The following WASF3 variants were observed in gnomAD, a reference collection of about 807,000 sequenced individuals.
WASF3 encodes the protein actin-binding protein WASF3.
Under a neutral mutation model 46.6 loss-of-function variants are expected in WASF3, and 11 were observed. That is an observed-to-expected ratio of 0.24 (90% CI 0.15 to 0.39). The LOEUF (loss-of-function observed/expected upper bound fraction) is 0.39. WASF3 is among the 10% of genes least tolerant of loss of function. The pLI, the probability that WASF3 is intolerant of heterozygous loss-of-function variation, is 1.00. For synonymous variants in WASF3, 242 were observed against 259.7 expected, an observed-to-expected ratio of 0.93 and a Z score of 0.65; for missense variants, 576 against 669.8, an observed-to-expected ratio of 0.86 and a Z score of 1.55.
chr13:26,656,167 C>T (rs1008909277), intron 3 of WASF3, among the ~76,000 whole-genome samples: 12 of 152,178 alleles, frequency 7.9e-5, no homozygotes, highest in African/African-American at 2.4e-4. Context: ...AATCCACGTA[C>T]AGTTTTTATG....
At chr13:26,646,066 T>G (rs889553510) in intron 3 of WASF3, among the ~76,000 whole-genome samples, 2 of 152,230 alleles carry the variant, frequency 1.3e-5, no homozygotes, top group Non-Finnish European at 2.9e-5. Flanking sequence ...TTAAAAATAA[T>G]TGATAAGTCA....
At chr13:26,544,950 T>G in the WASF3 span, among the ~76,000 whole-genome samples, 1 of 152,228 alleles carries the variant, frequency 6.6e-6, no homozygotes, top group African/African-American at 2.4e-5. Flanking sequence ...GCAGCATATC[T>G]TCTACTGACA....
At chr13:26,680,924 A>G in intron 7 of WASF3, 130 bp from the exon 8 acceptor site, 1 of 1,164,314 alleles carries the variant, frequency 8.6e-7, no homozygotes, top group African/African-American at 1.5e-5. Context: ...TACCTAGTTG[A>G]TAGTAAAGCA....
At chr13:26,598,124 C>T (rs1880530632) in intron 1 of WASF3, among the ~76,000 whole-genome samples, 1 of 152,162 alleles carries the variant, frequency 6.6e-6, no homozygotes, top group Admixed American at 6.5e-5. Flanking sequence ...CTCTCCAGCA[C>T]CTGTTGTTTC....
Position 26,642,397 on chromosome 13 carries a change from A to C in WASF3, c.127A>C (p.Ser43Arg), listed in dbSNP as rs775498325. Reference protein sequence around the residue: ...TLAAIIRQLSSLSKHAEDIFG... With the variant: ...TLAAIIRQLSRLSKHAEDIFG... ...TGCCGCTATCATACGCCAGCTGAGC[A>C]GTCTGAGTAAGCCATCTTTTTTCTG... is the stretch of plus-strand genomic sequence containing the variant. Residue 43 changes from serine to arginine, a missense_variant, in exon 3 of 10, where the codon AGT becomes CGT. By Grantham distance (110) the Ser-to-Arg change is moderately radical. Around this residue, in one of 3 missense-constraint regions of WASF3, gnomAD observed 213 missense variants for 278.0 expected, o/e 0.77. Transcript: ENST00000335327. The C allele has an allele frequency of 2.5e-6, 4 of 1,583,924 alleles. No individual in the cohort carries two copies. Among genetic ancestry groups the C allele is most frequent in the Non-Finnish European group, 3.4e-6 (4 of 1,170,998 alleles).
chr13:26,673,007 A>C (rs1163487316), intron 6 of WASF3, among the ~76,000 whole-genome samples: 1 of 152,158 alleles, frequency 6.6e-6, no homozygotes, highest in Admixed American at 6.5e-5. Context: ...TATCTTGGAA[A>C]AGTTGCTAGG....
At chr13:26,584,904 G>A (rs1331302196) in intron 1 of WASF3, among the ~76,000 whole-genome samples, 1 of 152,134 alleles carries the variant, frequency 6.6e-6, no homozygotes, top group Admixed American at 6.5e-5. Flanking sequence ...GAAAGCTGTT[G>A]TTACTCTGCT....
rs533544499 is a variant in WASF3 at position 26,640,772 on chromosome 13, A to C, written c.-10-1489A>C. ...AGGATGTTGGAGAAGGCTTTTCTGAAGTGTTTGGTGATCCTTGACTCTTAT... is the reference window on the plus strand; with the variant it reads ...AGGATGTTGGAGAAGGCTTTTCTGACGTGTTTGGTGATCCTTGACTCTTAT... On this transcript the variant is annotated intron_variant, in intron 2 of 9. Coordinates refer to ENST00000335327, the MANE Select transcript of WASF3 (RefSeq NM_006646.6). 1.6e-4 allele frequency: 25 copies of C among 152,246 alleles called. 1 individual carries two copies. Among genetic ancestry groups the C allele is most frequent in the Admixed American group, 1.6e-3 (25 of 15,274 alleles). 9.4% of individuals were successfully genotyped at this position (152,246 alleles called of 1,614,324 possible). A position where few individuals can be genotyped will look rare whatever the true frequency, so the allele number is the denominator to read the frequency against.
chr13:26,682,790 G>A lies in WASF3; in HGVS notation c.1167G>A (p.Gly389=). ...CTCCTCCTCACCCACCCTCCACCGG[G>A]CTCCTGGTCACAGCCCCGCCACCCC... The part of the protein sequence containing the change: ...HAAPPHPPST[G]LLVTAPPPPG... The change falls in exon 9 of 10, where the codon GGG becomes GGA. Residue 389 remains glycine (G), a synonymous_variant. Transcript: ENST00000335327. This position sits in a 1 kb window ranked among gnomAD's most constrained non-coding sequence, Gnocchi z 4.4. 1 of 1,611,238 alleles carries A rather than the reference G, an allele frequency of 6.2e-7. No individual in the cohort carries two copies. Among genetic ancestry groups the A allele is most frequent in the Non-Finnish European group, 8.5e-7 (1 of 1,179,920 alleles).
At chr13:26,658,070 T>C (rs1882518208) in intron 3 of WASF3, among the ~76,000 whole-genome samples, 1 of 152,206 alleles carries the variant, frequency 6.6e-6, no homozygotes, top group African/African-American at 2.4e-5. Flanking sequence ...GTACATGATG[T>C]TGTTCTCAAC....
chr13:26,567,090 A>C (rs1027110177), intron 1 of WASF3, among the ~76,000 whole-genome samples: 2 of 152,186 alleles, frequency 1.3e-5, no homozygotes, highest in African/African-American at 4.8e-5. Flanking sequence ...GCTGTTTATC[A>C]TGTCCTTAAA....
At chr13:26,582,191 T>C (rs565893802) in intron 1 of WASF3, among the ~76,000 whole-genome samples, 17 of 152,308 alleles carry the variant, frequency 1.1e-4, no homozygotes, top group African/African-American at 3.8e-4. Context: ...TTCCTGACTA[T>C]ACCTACACCC....
intron 1 of WASF3, among the ~76,000 whole-genome samples, chr13:26,572,637 C>G (rs916237160): frequency 2.0e-5 from 3 of 152,092 alleles, no homozygotes; most frequent in Non-Finnish European, 4.4e-5. Flanking sequence ...ACGATCTCGG[C>G]TCACTGCAAC....
chr13:26,591,810 G>A (rs1419864948), intron 1 of WASF3, among the ~76,000 whole-genome samples: 2 of 152,116 alleles, frequency 1.3e-5, no homozygotes, highest in East Asian at 3.9e-4. Context: ...AAGAGAAAAG[G>A]TCCGAGGACT....
intron 2 of WASF3, among the ~76,000 whole-genome samples, chr13:26,633,263 C>T (rs1338464849): frequency 2.3e-5 from 3 of 128,826 alleles, no homozygotes; most frequent in African/African-American, 5.8e-5. Flanking sequence ...AGTGCAATGG[C>T]GTCATCTCAG....
intron 5 of WASF3, among the ~76,000 whole-genome samples, chr13:26,670,876 A>G (rs1882908872): frequency 6.6e-6 from 1 of 152,188 alleles, no homozygotes; most frequent in Non-Finnish European, 1.5e-5. Context: ...TTTGTATTTG[A>G]TGGTAAGACA....
chr13:26,562,274 G>A (rs960563433), intron 1 of WASF3, among the ~76,000 whole-genome samples: 1 of 152,162 alleles, frequency 6.6e-6, no homozygotes, highest in African/African-American at 2.4e-5. Flanking sequence ...CCCACACTGG[G>A]ACTAAGAAGG....
At chr13:26,628,909 A>T (rs139330984) in intron 2 of WASF3, among the ~76,000 whole-genome samples, 1 of 152,258 alleles carries the variant, frequency 6.6e-6, no homozygotes, top group East Asian at 1.9e-4. Context: ...TGCCATCTAG[A>T]GGCCTCTGAT....
chr13:26,619,306 T>G (rs978056023), intron 2 of WASF3, among the ~76,000 whole-genome samples: 3 of 152,246 alleles, frequency 2.0e-5, no homozygotes, highest in African/African-American at 7.2e-5. Context: ...ATGGAGATTG[T>G]TGTTCTTCCT....
Sources: allele counts gnomAD v4.1 joint callset (sites outside exome capture counted in the v4.1 genomes callset), GRCh38; gene constraint gnomAD v4.1.1; regional missense constraint gnomAD v4.1.1; non-coding constraint Gnocchi (gnomAD v3.1); transcripts MANE v1.5; gene names NCBI Gene and HGNC (gene_info 2026-07-23, HGNC 2026-07-21).